DOCK10: variants seen among roughly 807,000 people sequenced by gnomAD.
The protein encoded by DOCK10 is dedicator of cytokinesis 10, also known as dedicator of cytokinesis protein 10.
Under a neutral mutation model 280.1 loss-of-function variants are expected in DOCK10, and 145 were observed. The ratio of observed to expected loss-of-function variants is 0.52; its 90% CI spans 0.45 to 0.59. The LOEUF is 0.59. Among genes scored for constraint, DOCK10 ranks in the 20% least tolerant of loss-of-function variants. The pLI is 0.00. For missense variants in DOCK10, 2,368 were observed against 2,651.7 expected (o/e 0.89, Z 2.35); for synonymous variants, 915 against 942.2 (o/e 0.97, Z 0.53).
intron 3 of DOCK10, among the ~76,000 whole-genome samples, chr2:224,913,859 T>C (rs748711944): frequency 7.2e-5 from 11 of 152,046 alleles, no homozygotes; most frequent in Admixed American, 4.6e-4. Context: ...TGCTGAGTAG[T>C]TGGGACTACA....
chr2:224,921,112 A>AAAAAAAAAAATATATATATATATAT, intron 2 of DOCK10, among the ~76,000 whole-genome samples: 1 of 54,404 alleles, frequency 1.8e-5, no homozygotes, highest in Non-Finnish European at 3.0e-5. Flanking sequence ...AAAAAAAAAA[A>AAAAAAAAAAATATATATATATATAT]ATATATATAT....
At chr2:224,830,670 T>G in intron 26 of DOCK10, 58 bp from the exon 27 acceptor site, 2 of 1,096,516 alleles carry the variant, frequency 1.8e-6, no homozygotes, top group Non-Finnish European at 2.6e-6. Flanking sequence ...ATAATGATAA[T>G]TTTTTCTTTG....
At chr2:224,961,426 C>CTTTCTTTCTTTCTTTCTTTCTT (rs1704405606) in intron 1 of DOCK10, among the ~76,000 whole-genome samples, 1 of 122,442 alleles carries the variant, frequency 8.2e-6, no homozygotes, top group Non-Finnish European at 1.7e-5. Flanking sequence ...TTCTTTCTTT[C>CTTTCTTTCTTTCTTTCTTTCTT]TTTCTTTCTT....
At position 224,876,121 on chromosome 2, in the gene DOCK10, T is replaced by C. The variant is rs1489657656; in HGVS notation, c.848A>G (p.His283Arg). Reference sequence around the variant, plus strand: ...GATTTGCAGAATGCGGTTGAGGGTGTGGATCCATTCATCCATATCTGACTC... The same window carrying C: ...GATTTGCAGAATGCGGTTGAGGGTGCGGATCCATTCATCCATATCTGACTC... ...ETESDMDEWI[H>R]TLNRILQISP... The change falls in exon 8 of 56, where the codon CAC becomes CGC. Residue 283 changes from histidine to arginine, a missense_variant. Around this residue, in one of 2 missense-constraint regions of DOCK10, gnomAD observed 1,209 missense variants for 1,250.9 expected, o/e 0.97. Transcript: ENST00000258390. 1 of 1,614,014 alleles carries C rather than the reference T, an allele frequency of 6.2e-7. No homozygotes were observed. Among genetic ancestry groups the C allele is most frequent in the Non-Finnish European group, 8.5e-7 (1 of 1,179,890 alleles).
intron 1 of DOCK10, among the ~76,000 whole-genome samples, chr2:225,030,460 C>T (rs1690045542): frequency 6.6e-6 from 1 of 152,156 alleles, no homozygotes; most frequent in Admixed American, 6.5e-5. Context: ...ACTCCTTGGA[C>T]TTTAATCAAT....
intron 1 of DOCK10, chr2:224,983,675 A>G (rs945822231): frequency 6.8e-6 from 3 of 444,318 alleles, no homozygotes; most frequent in Non-Finnish European, 1.4e-5. Context: ...TTGCTCAGTA[A>G]TCTGTCACAA....
chr2:225,027,014 C>T lies in DOCK10; in HGVS notation c.123+15238G>A, dbSNP rs564265325. On this transcript the variant is annotated intron_variant, in intron 1 of 55. Transcript: ENST00000258390. ...GTGATGATTGAGTCCCCATACACAACTTATAGTCAGCTTGTCAGGCCCCGT... is the reference window on the plus strand; with the variant it reads ...GTGATGATTGAGTCCCCATACACAATTTATAGTCAGCTTGTCAGGCCCCGT... Among the ~76,000 whole-genome samples, 6 of 152,298 alleles carry T rather than the reference C, an allele frequency of 3.9e-5. No homozygotes were observed. The South Asian group carries it at 1.2e-3, about 32-fold the overall frequency.
intron 1 of DOCK10, among the ~76,000 whole-genome samples, chr2:224,993,776 T>G (rs1003834390): frequency 6.6e-6 from 1 of 152,180 alleles, no homozygotes; most frequent in African/African-American, 2.4e-5. Flanking sequence ...GCAGTTCAAA[T>G]GGAGATTGGC....
intron 1 of DOCK10, among the ~76,000 whole-genome samples, chr2:225,017,638 C>CAAA (rs555334896): frequency 1.1e-5 from 1 of 92,520 alleles, no homozygotes; most frequent in African/African-American, 3.9e-5. Context: ...TCTGCTTTGT[C>CAAA]AAAAAAAAAA....
chr2:224,956,615 C>T (rs901210057), intron 1 of DOCK10, among the ~76,000 whole-genome samples: 11 of 118,996 alleles, frequency 9.2e-5, no homozygotes, highest in African/African-American at 3.1e-4. Context: ...CAGGGCGAGA[C>T]GCTACCTCAG....
In DOCK10 at chr2:224,864,982, G is replaced by A. The variant is rs1697798071; in HGVS notation, c.1363C>T (p.Leu455Phe). 1 of 1,613,890 alleles carries A rather than the reference G, an allele frequency of 6.2e-7. No individual in the cohort carries two copies. Among genetic ancestry groups the A allele is most frequent in the Non-Finnish European group, 8.5e-7 (1 of 1,179,862 alleles). The change falls in exon 12 of 56, where the codon CTC (leucine) becomes TTC (phenylalanine). Residue 455 changes from leucine (L) to phenylalanine (F), a missense_variant. Coordinates refer to ENST00000258390, the MANE Select transcript of DOCK10 (RefSeq NM_014689.3). ...TCCAAAGCCACAGAAGCCCCCAAGAGCATCTGTCTGACAGCAGCATGGTTT... is the reference window on the plus strand; with the variant it reads ...TCCAAAGCCACAGAAGCCCCCAAGAACATCTGTCTGACAGCAGCATGGTTT... ...DLNHAAVRQM[L>F]LGASVALENG...
intron 1 of DOCK10, among the ~76,000 whole-genome samples, chr2:225,013,667 C>T (rs998028756): frequency 6.6e-6 from 1 of 152,150 alleles, no homozygotes; most frequent in African/African-American, 2.4e-5. Flanking sequence ...GGGCAATGTA[C>T]TCTATCTGCA....
Position 224,793,038 on chromosome 2 carries a change from G to C in DOCK10, c.5247C>G (p.Ser1749=), listed in dbSNP as rs373633026. Residue 1749 remains serine, a synonymous_variant, in exon 47 of 56, where the codon TCC becomes TCG. Coordinates refer to ENST00000258390, the MANE Select transcript of DOCK10 (RefSeq NM_014689.3). Reference sequence around the variant, plus strand: ...AGGGGTGGGTATCCTCCGAGAGCAGGGATGCTGTGCAAATCTTTTCCACTT... The same window carrying C: ...AGGGGTGGGTATCCTCCGAGAGCAGCGATGCTGTGCAAATCTTTTCCACTT... The part of the protein sequence containing the change: ...YWKVEKICTA[S]LLSEDTHPCD... The C allele has an allele frequency of 1.2e-6, 2 of 1,613,372 alleles. No individual in the cohort carries two copies. Among genetic ancestry groups the C allele is most frequent in the African/African-American group, 2.7e-5 (2 of 74,854 alleles).
intron 4 of DOCK10, among the ~76,000 whole-genome samples, chr2:224,890,708 C>A (rs1328271631): frequency 6.6e-6 from 1 of 152,068 alleles, no homozygotes; most frequent in East Asian, 1.9e-4. Context: ...TGGTATGATT[C>A]CATGGTTATG....
At chr2:224,823,836 T>C (rs1427832888) in intron 27 of DOCK10, among the ~76,000 whole-genome samples, 189 bp from the exon 28 acceptor site, 1 of 152,230 alleles carries the variant, frequency 6.6e-6, no homozygotes, top group Non-Finnish European at 1.5e-5. Context: ...TAATATTTAG[T>C]GTTTCCTTCA....
chr2:224,936,341 A>C (rs1012284245), intron 1 of DOCK10, among the ~76,000 whole-genome samples: 1 of 152,164 alleles, frequency 6.6e-6, no homozygotes, highest in African/African-American at 2.4e-5. Flanking sequence ...CTGGTACAAA[A>C]GGAAAGATAA....
chr2:224,994,331 C>A (rs1706208052), intron 1 of DOCK10, among the ~76,000 whole-genome samples: 1 of 152,162 alleles, frequency 6.6e-6, no homozygotes, highest in Admixed American at 6.5e-5. Context: ...CTCCTCTCAA[C>A]CTTCACACTT....
intron 47 of DOCK10, among the ~76,000 whole-genome samples, chr2:224,792,546 G>T (rs1692272877): frequency 6.6e-6 from 1 of 152,178 alleles, no homozygotes; most frequent in African/African-American, 2.4e-5. Flanking sequence ...GGCCTCCCAA[G>T]TGCTGGGATT....
intron 1 of DOCK10, among the ~76,000 whole-genome samples, chr2:224,944,195 A>G (rs952051361): frequency 6.6e-6 from 1 of 152,210 alleles, no homozygotes; most frequent in African/African-American, 2.4e-5. Flanking sequence ...CTGTATTGAC[A>G]CATAGAAAGA....
Sources: allele counts gnomAD v4.1 joint callset (sites outside exome capture counted in the v4.1 genomes callset), GRCh38; gene constraint gnomAD v4.1.1; regional missense constraint gnomAD v4.1.1; transcripts MANE v1.5; gene names NCBI Gene and HGNC (gene_info 2026-07-23, HGNC 2026-07-21).